ACAD11: variants seen among roughly 807,000 people sequenced by gnomAD.
The protein encoded by ACAD11 is acyl-CoA dehydrogenase family member 11, also known as acyl-Coenzyme A dehydrogenase family, member 11.
Under a neutral mutation model 102.2 loss-of-function variants are expected in ACAD11, and 83 were observed. The ratio of observed to expected loss-of-function variants is 0.81; its 90% CI spans 0.68 to 0.97. The LOEUF (loss-of-function observed/expected upper bound fraction) is 0.97. Among genes scored for constraint, ACAD11 ranks in the 50% least tolerant of loss-of-function variants. The probability of loss-of-function intolerance (pLI) is 0.00; values close to 1 mark genes in which losing one functional copy is unlikely to be tolerated. For missense variants in ACAD11, 901 were observed against 951.7 expected (o/e 0.95, Z 0.70); for synonymous variants, 324 against 319.8 (o/e 1.01, Z -0.14).
intron 17 of ACAD11, among the ~76,000 whole-genome samples, chr3:132,562,088 T>C (rs1371993178): frequency 6.6e-6 from 1 of 152,138 alleles, no homozygotes; most frequent in Non-Finnish European, 1.5e-5. Context: ...GACATTTCGG[T>C]TGTTGCCAGT....
At chr3:132,607,285 A>T (rs1042411580) in intron 11 of ACAD11, among the ~76,000 whole-genome samples, 1 of 152,204 alleles carries the variant, frequency 6.6e-6, no homozygotes, top group Admixed American at 6.5e-5. Flanking sequence ...TGACGAATTG[A>T]CAGAAGTAGG....
chr3:132,639,777 G>T, intron 4 of ACAD11, 121 bp from the exon 5 acceptor site: 1 of 849,552 alleles, frequency 1.2e-6, no homozygotes, highest in Non-Finnish European at 1.8e-6. Context: ...ACCCATGCTG[G>T]TGATACTCCT....
At chr3:132,633,468 C>T (rs1482785720) in intron 5 of ACAD11, among the ~76,000 whole-genome samples, 3 of 152,102 alleles carry the variant, frequency 2.0e-5, no homozygotes, top group Non-Finnish European at 2.9e-5. Context: ...CTGCTGGATT[C>T]CGTTTGCCAG....
rs1238509718 is a variant in ACAD11 at position 132,575,758 on chromosome 3, G to A, written c.2001+14C>T. On this transcript the variant is annotated intron_variant, in intron 17 of 19. Coordinates refer to ENST00000264990, the MANE Select transcript of ACAD11 (RefSeq NM_032169.5). ...ACCGGGCTACAATAAATTCAAATAA[G>A]TAATCGTCCTCACATGTGCATACAA... The A allele has an allele frequency of 6.2e-7, 1 of 1,613,340 alleles. No individual in the cohort carries two copies. Among genetic ancestry groups the A allele is most frequent in the Non-Finnish European group, 8.5e-7 (1 of 1,179,536 alleles).
At chr3:132,573,959 G>A (rs1937454680) in intron 17 of ACAD11, among the ~76,000 whole-genome samples, 1 of 152,168 alleles carries the variant, frequency 6.6e-6, no homozygotes, top group Non-Finnish European at 1.5e-5. Flanking sequence ...TTTTGCTTAT[G>A]ACATGCTCAC....
At chr3:132,633,212 G>C (rs2107869535) in intron 5 of ACAD11, among the ~76,000 whole-genome samples, 1 of 152,314 alleles carries the variant, frequency 6.6e-6, no homozygotes, top group South Asian at 2.1e-4. Context: ...CTGTGGGTTT[G>C]TCATAGATAG....
At chr3:132,605,745 T>C (rs890240746) in intron 11 of ACAD11, among the ~76,000 whole-genome samples, 1 of 152,228 alleles carries the variant, frequency 6.6e-6, no homozygotes, top group African/African-American at 2.4e-5. Context: ...CCACCTCCTC[T>C]GCAAAGAATC....
intron 13 of ACAD11, among the ~76,000 whole-genome samples, chr3:132,588,265 GA>G (rs1214274139): frequency 6.6e-6 from 1 of 152,018 alleles, no homozygotes; most frequent in Non-Finnish European, 1.5e-5. Flanking sequence ...TTATCTGTGG[GA>G]AGGTTCATCT....
intron 13 of ACAD11, among the ~76,000 whole-genome samples, chr3:132,586,242 CA>C (rs1937816974): frequency 6.6e-6 from 1 of 151,888 alleles, no homozygotes; most frequent in Admixed American, 6.6e-5. Context: ...ATCGCAAGGA[CA>C]AAAAAGCAAA....
chr3:132,585,095 T>C (rs1937748319), intron 13 of ACAD11, among the ~76,000 whole-genome samples: 2 of 152,248 alleles, frequency 1.3e-5, no homozygotes, highest in Non-Finnish European at 2.9e-5. Context: ...CTTCAAACTA[T>C]ACTACAAGGC....
intron 1 of ACAD11, among the ~76,000 whole-genome samples, chr3:132,648,015 A>AC (rs1328246830): frequency 3.3e-5 from 5 of 151,442 alleles, no homozygotes; most frequent in East Asian, 1.9e-4. Flanking sequence ...TCTCCCAAAG[A>AC]CCCCCCACCT....
chr3:132,641,698 G>GGAAGAAGAAGAAGAAGAAGAAGAAGAA (rs199597510), intron 4 of ACAD11, among the ~76,000 whole-genome samples: 7 of 116,700 alleles, frequency 6.0e-5, no homozygotes, highest in South Asian at 5.7e-4. Context: ...AAGAGGAAGA[G>GGAAGAAGAAGAAGAAGAAGAAGAAGAA]GAAGAAGAAG....
chr3:132,560,936 G>A (rs1028572982), intron 18 of ACAD11, among the ~76,000 whole-genome samples, 165 bp downstream of exon 18: 1 of 152,004 alleles, frequency 6.6e-6, no homozygotes, highest in Non-Finnish European at 1.5e-5. Flanking sequence ...CACTTGCTAG[G>A]AGACTAGCAA....
At chr3:132,618,877 A>C in intron 10 of ACAD11, 105 bp from the exon 11 acceptor site, 1 of 1,143,000 alleles carries the variant, frequency 8.7e-7, no homozygotes, top group Non-Finnish European at 1.2e-6. Context: ...AAATTTAAAA[A>C]CACTTATGGA....
In ACAD11 at chr3:132,575,679, T is replaced by C. The variant is rs1937512163; in HGVS notation, c.2001+93A>G. The C allele has an allele frequency of 2.7e-6, 4 of 1,458,952 alleles. No homozygotes were observed. The Admixed American group carries it at 5.7e-5, about 21-fold the overall frequency. 90.4% of individuals were successfully genotyped at this position (1,458,952 alleles called of 1,614,324 possible). A position where few individuals can be genotyped will look rare whatever the true frequency, so the allele number is the denominator to read the frequency against. On this transcript the variant is annotated intron_variant, in intron 17 of 19. Transcript: ENST00000264990. ...ATTGAAAAGAATCACCCGGTTCATG[T>C]AGAGAAAGTCTGTCTCTCACAAGTA...
chr3:132,594,355 G>C (rs1209127863), intron 13 of ACAD11, among the ~76,000 whole-genome samples: 1 of 152,076 alleles, frequency 6.6e-6, no homozygotes, highest in African/African-American at 2.4e-5. Flanking sequence ...TTCTATAATA[G>C]ATGGCATCAT....
At chr3:132,621,122 G>A (rs1258334126) in intron 9 of ACAD11, 1 of 152,114 alleles carries the variant, frequency 6.6e-6, no homozygotes, top group Non-Finnish European at 1.5e-5. Context: ...GCAATATTTG[G>A]AAAAATTACT....
At chr3:132,614,220 A>G (rs1939301525) in intron 11 of ACAD11, among the ~76,000 whole-genome samples, 1 of 152,244 alleles carries the variant, frequency 6.6e-6, no homozygotes, top group South Asian at 2.1e-4. Context: ...GATAGGAAGA[A>G]TCAATATCAT....
intron 17 of ACAD11, 58 bp from the exon 18 acceptor site, chr3:132,561,275 A>G (rs1261313607): frequency 8.2e-7 from 1 of 1,223,144 alleles, no homozygotes; most frequent in Non-Finnish European, 1.2e-6. Flanking sequence ...TCTGATGTCC[A>G]CGTGTAACAC....
Sources: allele counts gnomAD v4.1 joint callset (sites outside exome capture counted in the v4.1 genomes callset), GRCh38; gene constraint gnomAD v4.1.1; transcripts MANE v1.5; gene names NCBI Gene and HGNC (gene_info 2026-07-23, HGNC 2026-07-21).